Variants in ATP2C1 observed in about 807,000 individuals in gnomAD.
ATP2C1 encodes the protein calcium-transporting ATPase type 2C member 1.
A neutral mutation model predicts 120.5 loss-of-function variants in ATP2C1; 31 were observed. The observed-to-expected ratio is 0.26, with a 90% CI of 0.19 to 0.35. The LOEUF is 0.35. ATP2C1 is among the 10% of genes least tolerant of loss of function. ATP2C1 has a pLI of 1.00. For synonymous variants in ATP2C1, 351 were observed against 358.7 expected (o/e 0.98, Z 0.24); for missense variants, 731 against 1,107.5 (o/e 0.66, Z 4.83).
intron 1 of ATP2C1, among the ~76,000 whole-genome samples, chr3:130,887,254 T>C (rs1248073492): frequency 6.6e-6 from 1 of 152,220 alleles, no homozygotes; most frequent in African/African-American, 2.4e-5. Flanking sequence ...CCCTCACTAC[T>C]GGGACTGTGC....
intron 26 of ATP2C1, chr3:131,014,436 A>C: frequency 6.7e-7 from 1 of 1,501,358 alleles, no homozygotes; most frequent in East Asian, 2.3e-5. Flanking sequence ...AATTCAGTGC[A>C]ACAGGATAAC....
rs760048151 is a variant in ATP2C1, at chr3:130,932,033, G to A, written c.129G>A (p.Gln43=). The stretch of plus-strand genomic sequence containing the variant: ...ATAAACTCTAATAGGCTGATCTTCA[G>A]AATGGTCTAAACAAATGTGAAGTTA... ...EVASILQADL[Q]NGLNKCEVSH... The change falls in exon 4 of 28, where the codon CAG becomes CAA. Residue 43 remains glutamine, a synonymous_variant. Transcript: ENST00000510168. 2.1e-5 allele frequency: 33 copies of A among 1,608,232 alleles called. No homozygotes were observed. The highest frequency in any genetic ancestry group is 2.6e-5 in the Non-Finnish European group (31 of 1,174,976).
intron 1 of ATP2C1, among the ~76,000 whole-genome samples, chr3:130,881,002 T>G (rs2068762579): frequency 6.6e-6 from 1 of 152,208 alleles, no homozygotes; most frequent in Admixed American, 6.5e-5. Flanking sequence ...CAGCAGTTAC[T>G]GGGATAGAAA....
At chr3:130,981,502 G>A (rs1211285518) in intron 20 of ATP2C1, among the ~76,000 whole-genome samples, 1 of 152,106 alleles carries the variant, frequency 6.6e-6, no homozygotes. Context: ...CAACATTTGT[G>A]TACAGGCTTT....
rs930511694 is a variant in ATP2C1 at position 130,858,782 on chromosome 3, G to A, written c.108+7854G>A. On this transcript the variant is annotated intron_variant, in intron 1 of 26. Transcript: ENST00000504381. ...GTATATGTGTTTGTGTATGTGTTTT[G>A]TAAGAATCTTAGGGCTGTAGTACCA... Among the ~76,000 whole-genome samples, 11 of 152,304 alleles carry A rather than the reference G, an allele frequency of 7.2e-5. No individual in the cohort carries two copies. In the East Asian group the frequency reaches 1.9e-3, roughly 27 times the overall value.
intron 10 of ATP2C1, among the ~76,000 whole-genome samples, chr3:130,955,398 G>T (rs1213490926): frequency 1.3e-5 from 2 of 152,124 alleles, no homozygotes; most frequent in Non-Finnish European, 1.5e-5. Flanking sequence ...TAGTATATTT[G>T]TACCTTGGAA....
At position 130,975,446 on chromosome 3, in the gene ATP2C1, T is replaced by C. The variant is rs1166804888; in HGVS notation, c.1528T>C (p.Tyr510His). ...LTLTQQQRDV[Y>H]QQEKARMGSA... ...ACTTACTCAGCAGCAGAGAGATGTGTACCAACAAGAGAAGGCACGCATGGG... is the reference window on the plus strand; with the variant it reads ...ACTTACTCAGCAGCAGAGAGATGTGCACCAACAAGAGAAGGCACGCATGGG... The change falls in exon 18 of 28, where the codon TAC (tyrosine) becomes CAC (histidine). Residue 510 changes from tyrosine (Y) to histidine (H), a missense_variant. Physicochemically the swap from Tyr to His is moderately conservative, Grantham distance 83 (BLOSUM62 2). Coordinates refer to ENST00000510168, the MANE Select transcript of ATP2C1 (RefSeq NM_001378687.1). 1 of 1,613,696 alleles carries C rather than the reference T, an allele frequency of 6.2e-7. No homozygotes were observed. The highest frequency in any genetic ancestry group is 1.3e-5 in the African/African-American group (1 of 74,892).
intron 8 of ATP2C1, among the ~76,000 whole-genome samples, chr3:130,952,340 G>A (rs1255079002): frequency 2.0e-5 from 3 of 152,160 alleles, no homozygotes; most frequent in African/African-American, 7.2e-5. Flanking sequence ...AGTGAATGTA[G>A]GAATGTTGTT....
chr3:131,013,291 T>A (rs2063407925), intron 26 of ATP2C1, among the ~76,000 whole-genome samples: 2 of 152,210 alleles, frequency 1.3e-5, no homozygotes. Context: ...TAATACATGA[T>A]ATGTATATCT....
At chr3:130,951,596 C>T (rs2060370244) in intron 8 of ATP2C1, among the ~76,000 whole-genome samples, 1 of 151,938 alleles carries the variant, frequency 6.6e-6, no homozygotes. Flanking sequence ...CCAAGGTTAA[C>T]GTGGAAATAA....
intron 1 of ATP2C1, among the ~76,000 whole-genome samples, chr3:130,882,313 T>G (rs2068811445): frequency 6.6e-6 from 1 of 152,028 alleles, no homozygotes; most frequent in African/African-American, 2.4e-5. Flanking sequence ...TTCTCTTGCC[T>G]CTTGTAATCC....
intron 2 of ATP2C1, among the ~76,000 whole-genome samples, chr3:130,915,564 CT>C (rs1303457718): frequency 1.3e-5 from 2 of 152,056 alleles, no homozygotes; most frequent in African/African-American, 4.8e-5. Context: ...TTTGTGTGAC[CT>C]GCAGTTCTTG....
intron 2 of ATP2C1, among the ~76,000 whole-genome samples, chr3:130,908,564 C>G (rs2108079875): frequency 6.6e-6 from 1 of 152,042 alleles, no homozygotes; most frequent in Admixed American, 6.6e-5. Context: ...TACTTCTGGG[C>G]AGTAGAACTG....
intron 26 of ATP2C1, among the ~76,000 whole-genome samples, chr3:131,010,502 C>G (rs2109024063): frequency 6.6e-6 from 1 of 152,210 alleles, no homozygotes; most frequent in East Asian, 1.9e-4. Context: ...CCACCTTTTT[C>G]TATCTTTAAA....
At chr3:130,856,565 A>G (rs1442964137) in intron 1 of ATP2C1, among the ~76,000 whole-genome samples, 1 of 152,224 alleles carries the variant, frequency 6.6e-6, no homozygotes, top group Non-Finnish European at 1.5e-5. Flanking sequence ...TCTTTTTGAA[A>G]AGTCATGAAA....
chr3:130,975,481 A>C lies in ATP2C1; in HGVS notation c.1563A>C (p.Gly521=). ...QQEKARMGSA[G]LRVLALASGP... ...AGAAGGCACGCATGGGCTCAGCGGG[A>C]CTCAGAGGTAAGGCTATTTCAGCAT... The change falls in exon 18 of 28, where the codon GGA becomes GGC. Residue 521 remains glycine (G), a synonymous_variant. Transcript: ENST00000510168. 6.2e-7 allele frequency: 1 copy of C among 1,613,616 alleles called. No homozygotes were observed. Among genetic ancestry groups the C allele is most frequent in the South Asian group, 1.1e-5 (1 of 91,068 alleles).
downstream of ATP2C1, among the ~76,000 whole-genome samples, chr3:131,005,674 TTTG>T (rs2063080931): frequency 6.6e-6 from 1 of 152,234 alleles, no homozygotes; most frequent in Non-Finnish European, 1.5e-5. Context: ...ATCCATTTTT[TTTG>T]TTGTTGTTAA....
intron 17 of ATP2C1, among the ~76,000 whole-genome samples, chr3:130,969,998 T>G (rs1047683926): frequency 6.6e-6 from 1 of 152,154 alleles, no homozygotes; most frequent in Non-Finnish European, 1.5e-5. Flanking sequence ...ATTACCAGCT[T>G]GATGATGAAA....
chr3:130,991,338 G>T (rs1451600347), intron 20 of ATP2C1, among the ~76,000 whole-genome samples: 1 of 152,190 alleles, frequency 6.6e-6, no homozygotes, highest in Non-Finnish European at 1.5e-5. Flanking sequence ...GGTGGTGGTG[G>T]TGCAGGTCTT....
Sources: gnomAD v4.1 joint callset for allele counts (sites outside exome capture counted in the v4.1 genomes callset) on GRCh38, gnomAD v4.1.1 for gene constraint, MANE v1.5 for transcripts, NCBI Gene and HGNC (gene_info 2026-07-23, HGNC 2026-07-21) for gene names.